The following SEPTIN9 variants were observed in gnomAD, a reference collection of about 807,000 sequenced individuals.
SEPTIN9 encodes the protein septin-9.
SEPTIN9 carries 13 observed loss-of-function variants against 56.6 expected under a neutral mutation model. That is an observed-to-expected ratio of 0.23 (90% CI 0.15 to 0.37). The LOEUF (loss-of-function observed/expected upper bound fraction) is 0.37, where lower values mean the gene tolerates loss of function less well. Ranked by LOEUF, SEPTIN9 falls within the 10% of genes least tolerant of loss-of-function variation. The pLI is 1.00. For synonymous variants in SEPTIN9, 332 were observed against 334.1 expected (o/e 0.99, Z 0.07); for missense variants, 650 against 823.1 (o/e 0.79, Z 2.57).
chr17:77,493,094 C>G lies in SEPTIN9; in HGVS notation c.1573+18C>G. On this transcript the variant is annotated intron_variant, in intron 10 of 11. Transcript: ENST00000427177. ...CATCGAAGGTACTCGCCGCAGGCGCCGGGGCTCCAGACAGATGGGAAGACA... is the reference window on the plus strand; with the variant it reads ...CATCGAAGGTACTCGCCGCAGGCGCGGGGGCTCCAGACAGATGGGAAGACA... 1 of 1,535,122 alleles carries G rather than the reference C, an allele frequency of 6.5e-7. No homozygotes were observed. The highest frequency in any genetic ancestry group is 1.2e-5 in the South Asian group (1 of 83,750).
At position 77,498,694 on chromosome 17, in the gene SEPTIN9, A is replaced by T. The variant is rs1399556671; in HGVS notation, c.*36A>T. The T allele has an allele frequency of 7.6e-7, 1 of 1,313,318 alleles. No homozygotes were observed. 81.4% of individuals were successfully genotyped at this position (1,313,318 alleles called of 1,614,324 possible). On this transcript the variant is annotated 3_prime_UTR_variant, in exon 12 of 12. Coordinates refer to ENST00000427177, the MANE Select transcript of SEPTIN9 (RefSeq NM_001113491.2). ...GCCCACCCCCGGGATCCTGCCCCCAAGTCATTTCCGTCCCCCCCCAGGCCC... is the reference window on the plus strand; with the variant it reads ...GCCCACCCCCGGGATCCTGCCCCCATGTCATTTCCGTCCCCCCCCAGGCCC...
chr17:77,494,974 C>T (rs148664496), intron 10 of SEPTIN9, among the ~76,000 whole-genome samples: 1 of 152,228 alleles, frequency 6.6e-6, no homozygotes, highest in Non-Finnish European at 1.5e-5. Context: ...CCCTTGGCCC[C>T]TCTGCCTGCA....
chr17:77,353,297 G>GT (rs2034120666), intron 2 of SEPTIN9, among the ~76,000 whole-genome samples: 2 of 152,210 alleles, frequency 1.3e-5, no homozygotes, highest in Admixed American at 1.3e-4. Flanking sequence ...TCTCCAAGTA[G>GT]TTGGTGGGTT....
chr17:77,497,575 C>T (rs2040324982), intron 11 of SEPTIN9: 2 of 619,158 alleles, frequency 3.2e-6, no homozygotes. Flanking sequence ...AGATCCTTTT[C>T]AACCCCTGCG....
intron 3 of SEPTIN9, among the ~76,000 whole-genome samples, chr17:77,410,705 G>A (rs922075551): frequency 2.0e-5 from 3 of 152,180 alleles, no homozygotes; most frequent in Admixed American, 6.5e-5. Flanking sequence ...GCGCCTGGGG[G>A]ATTCGTGTTA....
intron 1 of SEPTIN9, among the ~76,000 whole-genome samples, chr17:77,293,866 G>T (rs527335953): frequency 1.5e-4 from 23 of 152,270 alleles, no homozygotes; most frequent in Non-Finnish European, 2.8e-4. Flanking sequence ...CACTTTGGGA[G>T]GCCAAGGCAG....
chr17:77,325,065 C>T lies in SEPTIN9; in HGVS notation c.76+17868C>T, dbSNP rs190236320. On this transcript the variant is annotated intron_variant, in intron 2 of 11. Coordinates refer to ENST00000427177, the MANE Select transcript of SEPTIN9 (RefSeq NM_001113491.2). ...AACTCCTGACCTCAAGTAATCCACC[C>T]GTCTCGGCCTCCCAAAGTGCCGGAG... Among the ~76,000 whole-genome samples, 43 of 152,216 alleles carry T rather than the reference C, an allele frequency of 2.8e-4. No homozygotes were observed. In the East Asian group the frequency reaches 5.2e-3, roughly 18 times the overall value.
intron 2 of SEPTIN9, chr17:77,322,541 T>A (rs1427523865): frequency 2.0e-5 from 3 of 152,244 alleles, no homozygotes; most frequent in Non-Finnish European, 4.4e-5. Context: ...TGGGCAAACT[T>A]TAGCGCTGGT....
At chr17:77,406,287 C>T (rs2036067843) in intron 3 of SEPTIN9, among the ~76,000 whole-genome samples, 1 of 152,352 alleles carries the variant, frequency 6.6e-6, no homozygotes, top group Non-Finnish European at 1.5e-5. Context: ...CACCTTTCCT[C>T]ACAACCCCTT....
At chr17:77,463,427 C>T (rs1016781329) in intron 3 of SEPTIN9, among the ~76,000 whole-genome samples, 3 of 152,002 alleles carry the variant, frequency 2.0e-5, no homozygotes, top group Non-Finnish European at 4.4e-5. Flanking sequence ...ATAAATTTGC[C>T]GGGAAGTATC....
At chr17:77,338,659 T>C (rs1475021884) in intron 2 of SEPTIN9, among the ~76,000 whole-genome samples, 4 of 152,214 alleles carry the variant, frequency 2.6e-5, no homozygotes, top group African/African-American at 9.6e-5. Context: ...CCTCAGGTGA[T>C]CCACCTGCCT....
At position 77,409,588 on chromosome 17, in the gene SEPTIN9, G is replaced by T. The variant is rs371089463; in HGVS notation, c.721+6885G>T. Among the ~76,000 whole-genome samples the T allele has an allele frequency of 2.0e-3, 305 of 152,324 alleles. 11 individuals are homozygous for T. The South Asian group carries it at 0.053, about 27-fold the overall frequency. ...GCAGCTCTGTGGCCCTGACCACCCA[G>T]CCTGGCCCCAGGATGGAGCCCCGGC... On this transcript the variant is annotated intron_variant, in intron 3 of 11. Transcript: ENST00000427177.
At chr17:77,385,674 C>T (rs2035312203) in intron 2 of SEPTIN9, among the ~76,000 whole-genome samples, 1 of 152,378 alleles carries the variant, frequency 6.6e-6, no homozygotes, top group South Asian at 2.1e-4. Flanking sequence ...CGCTGGCAGT[C>T]AGGGGACCTG....
chr17:77,415,926 A>G (rs2036490532), intron 3 of SEPTIN9, among the ~76,000 whole-genome samples: 1 of 152,262 alleles, frequency 6.6e-6, no homozygotes, highest in South Asian at 2.1e-4. Flanking sequence ...TGTGTCAGGC[A>G]CTTGTCAGGA....
In SEPTIN9 at chr17:77,345,969, G is replaced by GTTTTC. The variant is rs767720446; in HGVS notation, c.76+38772_76+38773insTTTTC. 2.1e-4 allele frequency among the ~76,000 whole-genome samples: 31 copies of GTTTTC among 145,450 alleles called. 1 individual carries two copies. Among genetic ancestry groups the GTTTTC allele is most frequent in the African/African-American group, 7.7e-4 (30 of 39,130 alleles). The stretch of plus-strand genomic sequence containing the variant: ...GTTTTGTTTTGTTTTGTTTTGTTTT[G>GTTTTC]AGAGAGCATCCTGCTCTGTTGCCCA... On this transcript the variant is annotated intron_variant, in intron 2 of 11. Coordinates refer to ENST00000427177, the MANE Select transcript of SEPTIN9 (RefSeq NM_001113491.2).
intron 3 of SEPTIN9, among the ~76,000 whole-genome samples, chr17:77,448,023 TG>T (rs1407232489): frequency 6.6e-6 from 1 of 152,226 alleles, no homozygotes; most frequent in Non-Finnish European, 1.5e-5. Context: ...CAGTGTCTTA[TG>T]AGAGATGCCG....
chr17:77,407,976 C>T (rs577173329), intron 3 of SEPTIN9, among the ~76,000 whole-genome samples: 4 of 152,080 alleles, frequency 2.6e-5, no homozygotes, highest in African/African-American at 7.2e-5. Context: ...GAGCCCCCCC[C>T]ACCAGAGTTA....
At chr17:77,409,809 G>A (rs1047487257) in intron 3 of SEPTIN9, among the ~76,000 whole-genome samples, 4 of 152,232 alleles carry the variant, frequency 2.6e-5, no homozygotes, top group African/African-American at 7.2e-5. Context: ...TGCTCTGTGC[G>A]GTGTGGACAG....
At chr17:77,307,276 C>A in intron 2 of SEPTIN9, 79 bp downstream of exon 2, 1 of 1,309,280 alleles carries the variant, frequency 7.6e-7, no homozygotes, top group Non-Finnish European at 1.1e-6. Context: ...TGGTCTGGGA[C>A]CTGCCTCCCC....
Sources: allele counts gnomAD v4.1 joint callset (sites outside exome capture counted in the v4.1 genomes callset), GRCh38; gene constraint gnomAD v4.1.1; transcripts MANE v1.5; gene names NCBI Gene and HGNC (gene_info 2026-07-23, HGNC 2026-07-21).